The following NXPH2 variants were observed in gnomAD, a reference collection of about 807,000 sequenced individuals.
The protein encoded by NXPH2 is neurexophilin 2, also known as neurexophilin-2.
Under a neutral mutation model 19.8 loss-of-function variants are expected in NXPH2, and 5 were observed. That is an observed-to-expected ratio of 0.25 (90% confidence interval 0.13 to 0.53). NXPH2 has a LOEUF of 0.53. NXPH2 is among the 20% of genes least tolerant of loss of function. NXPH2 has a pLI of 0.96. For missense variants in NXPH2, 289 were observed against 322.8 expected, an observed-to-expected ratio of 0.90 and a Z score of 0.80; for synonymous variants, 154 against 127.4, an observed-to-expected ratio of 1.21 and a Z score of -1.41.
At chr2:138,747,684 A>C (rs1681762487) in intron 1 of NXPH2, among the ~76,000 whole-genome samples, 1 of 152,178 alleles carries the variant, frequency 6.6e-6, no homozygotes, top group South Asian at 2.1e-4. Context: ...ATCTGAATTC[A>C]GTCACTCTGG....
chr2:138,769,626 T>G (rs1682145290), intron 1 of NXPH2, among the ~76,000 whole-genome samples: 1 of 152,032 alleles, frequency 6.6e-6, no homozygotes, highest in Non-Finnish European at 1.5e-5. Flanking sequence ...CACTGAAGTT[T>G]TTTCCCCATG....
At chr2:138,777,693 T>C (rs190200123) in intron 1 of NXPH2, among the ~76,000 whole-genome samples, 1 of 151,976 alleles carries the variant, frequency 6.6e-6, no homozygotes, top group Admixed American at 6.6e-5. Flanking sequence ...AAATGTTCAA[T>C]ATGCCCAAAT....
chr2:138,758,243 T>C (rs952301903), intron 1 of NXPH2, among the ~76,000 whole-genome samples: 1 of 152,162 alleles, frequency 6.6e-6, no homozygotes, highest in Non-Finnish European at 1.5e-5. Flanking sequence ...TCCTAGGGTC[T>C]ATCTATAATA....
At chr2:138,771,508 A>G (rs763277070) in intron 1 of NXPH2, among the ~76,000 whole-genome samples, 10 of 152,116 alleles carry the variant, frequency 6.6e-5, no homozygotes, top group Non-Finnish European at 7.4e-5. Context: ...GAAATCTTAG[A>G]TGGAGTTCCC....
chr2:138,720,338 G>A (rs374582129), intron 1 of NXPH2, among the ~76,000 whole-genome samples: 4 of 152,150 alleles, frequency 2.6e-5, no homozygotes, highest in African/African-American at 9.7e-5. Flanking sequence ...AGGCCATGAC[G>A]AAACATGAGT....
rs1015056584 is a variant in NXPH2 at position 138,725,359 on chromosome 2, A to G, written c.52-53694T>C. On this transcript the variant is annotated intron_variant, in intron 1 of 1. Transcript: ENST00000272641. Reference sequence around the variant, plus strand: ...ACATTTATCTACCCTCTGAACCCAGATCTTCCCTTACATTGCATTTTACTC... The same window carrying G: ...ACATTTATCTACCCTCTGAACCCAGGTCTTCCCTTACATTGCATTTTACTC... Among the ~76,000 whole-genome samples the G allele has an allele frequency of 7.2e-5, 11 of 152,326 alleles. 1 individual carries two copies. The highest frequency in any genetic ancestry group is 6.5e-4 in the Admixed American group (10 of 15,292).
intron 1 of NXPH2, among the ~76,000 whole-genome samples, chr2:138,779,121 C>T (rs560534347): frequency 1.3e-5 from 2 of 152,066 alleles, no homozygotes; most frequent in African/African-American, 2.4e-5. Context: ...AGAGAGAGAG[C>T]GAGCGAGAGA....
chr2:138,702,174 T>G (rs1456002774), intron 1 of NXPH2, among the ~76,000 whole-genome samples: 1 of 152,122 alleles, frequency 6.6e-6, no homozygotes, highest in Non-Finnish European at 1.5e-5. Context: ...TGGAGTACAG[T>G]GGCACAATGA....
At chr2:138,714,664 C>T (rs1681162183) in intron 1 of NXPH2, among the ~76,000 whole-genome samples, 1 of 152,088 alleles carries the variant, frequency 6.6e-6, no homozygotes, top group Admixed American at 6.6e-5. Flanking sequence ...ACTGAAGATC[C>T]AAGTCCACCT....
At chr2:138,698,195 TTAA>T (rs1413477707) in intron 1 of NXPH2, among the ~76,000 whole-genome samples, 1 of 152,176 alleles carries the variant, frequency 6.6e-6, no homozygotes, top group Admixed American at 6.6e-5. Context: ...TTAAGTGATT[TTAA>T]TACATTTACT....
intron 1 of NXPH2, among the ~76,000 whole-genome samples, chr2:138,725,990 C>T (rs1282392066): frequency 6.6e-6 from 1 of 152,106 alleles, no homozygotes; most frequent in Non-Finnish European, 1.5e-5. Context: ...GACTTTTTCT[C>T]TTCAGCATTC....
intron 1 of NXPH2, among the ~76,000 whole-genome samples, chr2:138,776,613 GGT>G (rs1341804529): frequency 1.6e-5 from 2 of 125,814 alleles, no homozygotes; most frequent in East Asian, 4.2e-4. Context: ...ATGATATAGT[GGT>G]GTTTTTTTTT....
intron 1 of NXPH2, among the ~76,000 whole-genome samples, chr2:138,767,559 C>T (rs2104842366): frequency 6.6e-6 from 1 of 152,258 alleles, no homozygotes; most frequent in South Asian, 2.1e-4. Context: ...TTTTTACCTT[C>T]TCTATTTTTT....
At chr2:138,676,259 A>G (rs951298689) in intron 1 of NXPH2, among the ~76,000 whole-genome samples, 5 of 152,158 alleles carry the variant, frequency 3.3e-5, no homozygotes, top group Non-Finnish European at 5.9e-5. Context: ...TGACAATTTT[A>G]TCTCCCCTCC....
At chr2:138,698,038 T>C (rs1192602105) in intron 1 of NXPH2, among the ~76,000 whole-genome samples, 1 of 152,158 alleles carries the variant, frequency 6.6e-6, no homozygotes, top group Non-Finnish European at 1.5e-5. Flanking sequence ...TTCACTCTTT[T>C]GATGTAATAA....
chr2:138,767,019 G>T (rs922930644), intron 1 of NXPH2, among the ~76,000 whole-genome samples: 2 of 152,092 alleles, frequency 1.3e-5, no homozygotes, highest in Non-Finnish European at 2.9e-5. Flanking sequence ...TACTATGTAA[G>T]ATAAGGAACC....
chr2:138,777,172 T>C (rs931829954), intron 1 of NXPH2, among the ~76,000 whole-genome samples: 8 of 152,128 alleles, frequency 5.3e-5, no homozygotes, highest in African/African-American at 7.2e-5. Flanking sequence ...CTGTAAACAG[T>C]TGACATCTGG....
chr2:138,733,514 GAA>G (rs1348321214), intron 1 of NXPH2, among the ~76,000 whole-genome samples: 15 of 152,138 alleles, frequency 9.9e-5, no homozygotes, highest in African/African-American at 3.4e-4. Flanking sequence ...AAGGCAAGAA[GAA>G]AAGAGTTTAA....
chr2:138,674,052 A>G (rs1199589831), intron 1 of NXPH2, among the ~76,000 whole-genome samples: 3 of 151,798 alleles, frequency 2.0e-5, no homozygotes, highest in Non-Finnish European at 4.4e-5. Context: ...ATCATAGCTC[A>G]CTGCAACCTC....
Sources: gnomAD v4.1 joint callset for allele counts (sites outside exome capture counted in the v4.1 genomes callset) on GRCh38, gnomAD v4.1.1 for gene constraint, MANE v1.5 for transcripts, NCBI Gene and HGNC (gene_info 2026-07-23, HGNC 2026-07-21) for gene names.